OSBPL9: variants seen among roughly 807,000 people sequenced by gnomAD.
OSBPL9 encodes oxysterol-binding protein-related protein 9.
Under a neutral mutation model 106.6 loss-of-function variants are expected in OSBPL9, and 40 were observed. The observed-to-expected ratio is 0.38, with a 90% CI of 0.29 to 0.49. The LOEUF is 0.49. Among genes scored for constraint, OSBPL9 ranks in the 20% least tolerant of loss-of-function variants. The pLI is 0.97. For missense variants in OSBPL9, 609 were observed against 887.2 expected, an observed-to-expected ratio of 0.69 and a Z score of 3.98; for synonymous variants, 269 against 295.4, an observed-to-expected ratio of 0.91 and a Z score of 0.92.
At chr1:51,708,584 A>G (rs1041090129) in intron 3 of OSBPL9, among the ~76,000 whole-genome samples, 1 of 152,170 alleles carries the variant, frequency 6.6e-6, no homozygotes, top group Non-Finnish European at 1.5e-5. Context: ...TACTTTTACA[A>G]ATCTTAAAGC....
chr1:51,690,141 T>C (rs1329164730), intron 3 of OSBPL9, among the ~76,000 whole-genome samples: 1 of 152,230 alleles, frequency 6.6e-6, no homozygotes, highest in Non-Finnish European at 1.5e-5. Context: ...GATTAGGCCT[T>C]CTCTGAAGCC....
intron 8 of OSBPL9, among the ~76,000 whole-genome samples, chr1:51,754,130 G>T (rs1055522515): frequency 1.1e-4 from 17 of 152,182 alleles, no homozygotes; most frequent in African/African-American, 3.9e-4. Flanking sequence ...AGATAAGCTA[G>T]GAGGCCCCTG....
At chr1:51,542,874 C>T in the OSBPL9 span, among the ~76,000 whole-genome samples, 10 of 152,124 alleles carry the variant, frequency 6.6e-5, no homozygotes, top group Admixed American at 3.3e-4. Context: ...ACTTCCTTAT[C>T]GGTAAAATGG....
chr1:51,749,072 C>T (rs997848230), intron 7 of OSBPL9, among the ~76,000 whole-genome samples: 13 of 150,204 alleles, frequency 8.7e-5, no homozygotes, highest in African/African-American at 1.5e-4. Context: ...GCAACAAGAG[C>T]GAAACTGTGT....
At chr1:51,764,120 C>CT (rs1672084759) in intron 11 of OSBPL9, among the ~76,000 whole-genome samples, 1 of 152,114 alleles carries the variant, frequency 6.6e-6, no homozygotes, top group South Asian at 2.1e-4. Context: ...CTCCACTTTT[C>CT]TTTCCCTTAC....
chr1:51,600,853 A>G (rs1645322563), intron 2 of OSBPL9, among the ~76,000 whole-genome samples: 1 of 152,238 alleles, frequency 6.6e-6, no homozygotes, highest in South Asian at 2.1e-4. Flanking sequence ...GTGTCAGGGT[A>G]TAGTAAACAC....
intron 2 of OSBPL9, among the ~76,000 whole-genome samples, chr1:51,658,111 G>T (rs970587108): frequency 9.3e-6 from 1 of 108,000 alleles, no homozygotes; most frequent in Non-Finnish European, 2.1e-5. Context: ...CTGTCTCAAA[G>T]AAAAAAAAAA....
intron 4 of OSBPL9, chr1:51,740,203 A>G (rs1666590603): frequency 6.5e-7 from 1 of 1,538,648 alleles, no homozygotes; most frequent in Non-Finnish European, 8.7e-7. Flanking sequence ...TGAATTTTCA[A>G]AAATAATTGT....
Position 51,789,104 on chromosome 1 carries a change from A to AAATC in OSBPL9, c.*1318_*1321dup, listed in dbSNP as rs1054021642. On this transcript the variant is annotated 3_prime_UTR_variant, in exon 24 of 24. Transcript: ENST00000428468. ...TTAGTCTCAACAAAGGATAAAAAGT[A>AAATC]AATCAAATGCTATGATGCCAGTGCA... The AAATC allele has an allele frequency of 3.1e-5, 26 of 843,322 alleles. No individual in the cohort carries two copies. Among genetic ancestry groups the AAATC allele is most frequent in the African/African-American group, 2.5e-4 (15 of 58,866 alleles). The allele number at this position is 843,322 out of a possible 1,614,324, so 52.2% of individuals were successfully genotyped here.
intron 12 of OSBPL9, among the ~76,000 whole-genome samples, chr1:51,768,005 C>T (rs1412378888): frequency 7.4e-6 from 1 of 135,514 alleles, no homozygotes; most frequent in Admixed American, 7.8e-5. Context: ...GCAGTGGCGC[C>T]ATCTTGGCTC....
chr1:51,730,425 T>C (rs1405758922), intron 4 of OSBPL9, among the ~76,000 whole-genome samples: 2 of 152,236 alleles, frequency 1.3e-5, no homozygotes, highest in Non-Finnish European at 2.9e-5. Flanking sequence ...AAGTGTTTTT[T>C]GGTGGTGGTT....
At chr1:51,594,361 C>CA (rs1238666695) in intron 1 of OSBPL9, among the ~76,000 whole-genome samples, 1 of 151,862 alleles carries the variant, frequency 6.6e-6, no homozygotes, top group Non-Finnish European at 1.5e-5. Context: ...GAGATCATGC[C>CA]ATTGCACTCC....
chr1:51,529,075 T>C, the OSBPL9 span, among the ~76,000 whole-genome samples: 1 of 152,198 alleles, frequency 6.6e-6, no homozygotes, highest in African/African-American at 2.4e-5. Context: ...ATGGTAATAC[T>C]CCCCAAATTG....
intron 8 of OSBPL9, among the ~76,000 whole-genome samples, chr1:51,754,489 G>A (rs1039498830): frequency 6.6e-6 from 1 of 152,138 alleles, no homozygotes; most frequent in Non-Finnish European, 1.5e-5. Context: ...TTTGATTTAT[G>A]TAGTTTTTAT....
intron 2 of OSBPL9, among the ~76,000 whole-genome samples, chr1:51,663,693 A>T (rs1460382423): frequency 6.6e-6 from 1 of 152,356 alleles, no homozygotes; most frequent in East Asian, 1.9e-4. Flanking sequence ...AGATATCATT[A>T]TGTGAGTGCA....
chr1:51,618,478 T>C (rs945872637), intron 1 of OSBPL9, among the ~76,000 whole-genome samples: 1 of 151,938 alleles, frequency 6.6e-6, no homozygotes, highest in African/African-American at 2.4e-5. Flanking sequence ...GAGGACAAAA[T>C]AGAATGCCCA....
At chr1:51,726,413 C>A (rs1663126074) in intron 4 of OSBPL9, among the ~76,000 whole-genome samples, 1 of 151,968 alleles carries the variant, frequency 6.6e-6, no homozygotes, top group Non-Finnish European at 1.5e-5. Flanking sequence ...TATATTTTTT[C>A]TTCTTTTTTT....
At chr1:51,672,615 T>C (rs982798067) in intron 3 of OSBPL9, among the ~76,000 whole-genome samples, 5 of 152,214 alleles carry the variant, frequency 3.3e-5, no homozygotes, top group Non-Finnish European at 5.9e-5. Context: ...TCTGGCTTTA[T>C]TTTAGCTCAG....
the OSBPL9 span, among the ~76,000 whole-genome samples, chr1:51,530,510 G>A: frequency 2.6e-5 from 4 of 152,010 alleles, no homozygotes; most frequent in Non-Finnish European, 5.9e-5. Context: ...CCAGCACTTC[G>A]GGAGGCTGAG....
Sources: allele counts gnomAD v4.1 joint callset (sites outside exome capture counted in the v4.1 genomes callset), GRCh38; gene constraint gnomAD v4.1.1; transcripts MANE v1.5; gene names NCBI Gene and HGNC (gene_info 2026-07-23, HGNC 2026-07-21).